Variants in SLC39A12 observed in about 807,000 individuals in gnomAD.
The protein encoded by SLC39A12 is zinc transporter ZIP12.
SLC39A12 carries 63 observed loss-of-function variants against 71.1 expected under a neutral mutation model. The ratio of observed to expected loss-of-function variants is 0.89; its 90% confidence interval spans 0.72 to 1.09. The LOEUF is 1.09. Among genes scored for constraint, SLC39A12 ranks in the 50% least tolerant of loss-of-function variants. The pLI is 0.00. For synonymous variants in SLC39A12, 351 were observed against 301.3 expected, an observed-to-expected ratio of 1.16 and a Z score of -1.71; for missense variants, 892 against 812.6, an observed-to-expected ratio of 1.10 and a Z score of -1.19.
chr10:17,962,706 A>C (rs1834723751), intron 3 of SLC39A12, among the ~76,000 whole-genome samples: 1 of 152,174 alleles, frequency 6.6e-6, no homozygotes, highest in African/African-American at 2.4e-5. Context: ...CAGCAAACAT[A>C]TCCTCTAATT....
intron 6 of SLC39A12, among the ~76,000 whole-genome samples, chr10:17,983,478 C>A (rs531072209): frequency 2.6e-5 from 4 of 151,870 alleles, no homozygotes; most frequent in African/African-American, 7.2e-5. Flanking sequence ...CAGAGAGAGA[C>A]CCTGTCTTAA....
chr10:17,969,103 G>T (rs1834905034), intron 4 of SLC39A12, among the ~76,000 whole-genome samples: 1 of 152,134 alleles, frequency 6.6e-6, no homozygotes, highest in Non-Finnish European at 1.5e-5. Flanking sequence ...CATCCATGTT[G>T]TTGCAAATGA....
At chr10:18,040,360 C>T (rs900798715) in intron 12 of SLC39A12, among the ~76,000 whole-genome samples, 4 of 152,046 alleles carry the variant, frequency 2.6e-5, no homozygotes, top group African/African-American at 7.2e-5. Context: ...TGCTCCATGC[C>T]GGGATGTGAG....
At chr10:18,035,763 C>T (rs910555399) in intron 12 of SLC39A12, among the ~76,000 whole-genome samples, 1 of 152,134 alleles carries the variant, frequency 6.6e-6, no homozygotes, top group African/African-American at 2.4e-5. Context: ...TCTGTTTTTT[C>T]CCCATCTTTG....
chr10:17,954,276 C>G (rs1834482951), intron 2 of SLC39A12, among the ~76,000 whole-genome samples: 1 of 152,148 alleles, frequency 6.6e-6, no homozygotes, highest in African/African-American at 2.4e-5. Context: ...TATTGTGAGA[C>G]AGAGTCTCGC....
intron 12 of SLC39A12, among the ~76,000 whole-genome samples, chr10:18,018,998 A>G (rs1374061633): frequency 1.3e-5 from 2 of 152,120 alleles, no homozygotes; most frequent in Non-Finnish European, 2.9e-5. Flanking sequence ...GGTAAAGTTC[A>G]TTGGTGAGCC....
At chr10:18,002,980 T>C in intron 11 of SLC39A12, 191 bp from the exon 12 acceptor site, 1 of 533,698 alleles carries the variant, frequency 1.9e-6, no homozygotes, top group Non-Finnish European at 3.3e-6. Context: ...GAAATGCAAC[T>C]TCCTAATAGT....
At chr10:17,989,295 A>C (rs530854859) in intron 7 of SLC39A12, among the ~76,000 whole-genome samples, 1 of 152,362 alleles carries the variant, frequency 6.6e-6, no homozygotes, top group South Asian at 2.1e-4. Context: ...CAATGTTCTG[A>C]AAATCACAAA....
chr10:17,987,507 C>T lies in SLC39A12; in HGVS notation c.1125C>T (p.Thr375=), dbSNP rs1174828998. Residue 375 remains threonine, a synonymous_variant, in exon 7 of 13, where the codon ACC becomes ACT. Coordinates refer to ENST00000377369, the MANE Select transcript of SLC39A12 (RefSeq NM_001145195.2). The stretch of plus-strand genomic sequence containing the variant: ...ACGGCTACAGCACGGTGGCTGTCAC[C>T]CTTCTCACACTGGGCTCCATGCTGG... The part of the protein sequence containing the change: ...EKYGYSTVAV[T]LLTLGSMLGT... The T allele has an allele frequency of 1.2e-6, 2 of 1,614,068 alleles. No individual in the cohort carries two copies. The highest frequency in any genetic ancestry group is 1.7e-6 in the Non-Finnish European group (2 of 1,179,998).
intron 4 of SLC39A12, among the ~76,000 whole-genome samples, chr10:17,975,261 C>A (rs1476336900): frequency 6.6e-6 from 1 of 152,116 alleles, no homozygotes; most frequent in Non-Finnish European, 1.5e-5. Context: ...GGTGCTCTAA[C>A]ACACTGTGGC....
intron 11 of SLC39A12, 25 bp from the exon 12 acceptor site, chr10:18,003,132 TAAATGATAATTATA>T: frequency 6.3e-7 from 1 of 1,587,342 alleles, no homozygotes; most frequent in Non-Finnish European, 8.6e-7. Context: ...CGTCTTCCAT[TAAATGATAATTATA>T]TTTTCCTTTC....
At chr10:17,996,595 G>A (rs1350764305) in intron 10 of SLC39A12, among the ~76,000 whole-genome samples, 1 of 152,168 alleles carries the variant, frequency 6.6e-6, no homozygotes, top group Non-Finnish European at 1.5e-5. Flanking sequence ...ACTTAAGTAA[G>A]AATAAATATT....
rs537842750 is a variant in SLC39A12, at chr10:18,042,872, A to G, written c.*39A>G. On this transcript the variant is annotated 3_prime_UTR_variant, in exon 13 of 13. Coordinates refer to ENST00000377369, the MANE Select transcript of SLC39A12 (RefSeq NM_001145195.2). ...ACATCTTTCAAAAATGCATTTATAT[A>G]GTCTTACTTTGTTTCTTTCATTGCA... 3 of 1,555,672 alleles carry G rather than the reference A, an allele frequency of 1.9e-6. No individual in the cohort carries two copies. In the South Asian group the frequency reaches 3.6e-5, roughly 19 times the overall value.
At chr10:17,988,677 G>C (rs1401299952) in intron 7 of SLC39A12, among the ~76,000 whole-genome samples, 1 of 152,222 alleles carries the variant, frequency 6.6e-6, no homozygotes, top group Non-Finnish European at 1.5e-5. Flanking sequence ...GTCAGCCAAT[G>C]AGGGGCACAA....
At chr10:17,989,721 C>A (rs969371058) in intron 7 of SLC39A12, among the ~76,000 whole-genome samples, 1 of 152,050 alleles carries the variant, frequency 6.6e-6, no homozygotes, top group Non-Finnish European at 1.5e-5. Flanking sequence ...GAGTTTGAGA[C>A]CAGCCTGGCC....
chr10:18,021,900 A>G (rs1836543067), intron 12 of SLC39A12, among the ~76,000 whole-genome samples: 1 of 152,172 alleles, frequency 6.6e-6, no homozygotes, highest in Non-Finnish European at 1.5e-5. Flanking sequence ...TGGATATGAA[A>G]TTCTTGGTTG....
rs145727042 is a variant in SLC39A12 at position 18,019,907 on chromosome 10, T to C, written c.1947+16549T>C. On this transcript the variant is annotated intron_variant, in intron 12 of 12. Transcript: ENST00000377369. ...TGTTGGATAAAGTAGTCTATAGATG[T>C]CAATTATGTCCAATTGATTGATGTC... Among the ~76,000 whole-genome samples, 89 of 152,216 alleles carry C rather than the reference T, an allele frequency of 5.8e-4. 1 individual carries two copies. The highest frequency in any genetic ancestry group is 2.1e-3 in the African/African-American group (89 of 41,590).
intron 12 of SLC39A12, among the ~76,000 whole-genome samples, chr10:18,033,930 G>T (rs1420535387): frequency 2.0e-5 from 3 of 151,212 alleles, no homozygotes; most frequent in Admixed American, 6.6e-5. Context: ...TTCAGGAGCA[G>T]GTTGTTCAGT....
At chr10:18,023,251 A>G (rs1026772780) in intron 12 of SLC39A12, among the ~76,000 whole-genome samples, 4 of 152,214 alleles carry the variant, frequency 2.6e-5, no homozygotes, top group Non-Finnish European at 4.4e-5. Flanking sequence ...ACTGCTGTCA[A>G]TTAGAATGAT....
Sources: gnomAD v4.1 joint callset for allele counts (sites outside exome capture counted in the v4.1 genomes callset) on GRCh38, gnomAD v4.1.1 for gene constraint, MANE v1.5 for transcripts, NCBI Gene and HGNC (gene_info 2026-07-23, HGNC 2026-07-21) for gene names.